Variants in KIF4A observed in about 807,000 individuals in gnomAD.
KIF4A encodes the protein chromosome-associated kinesin KIF4A.
KIF4A carries 7 observed loss-of-function variants against 105.9 expected under a neutral mutation model. The ratio of observed to expected loss-of-function variants is 0.07; its 90% CI spans 0.04 to 0.12. The LOEUF is 0.12. Ranked by LOEUF, KIF4A falls within the 10% of genes least tolerant of loss-of-function variation. The pLI, the probability that KIF4A is intolerant of heterozygous loss-of-function variation, is 1.00. For synonymous variants in KIF4A, 281 were observed against 331.3 expected, an observed-to-expected ratio of 0.85 and a Z score of 1.65; for missense variants, 558 against 929.2, an observed-to-expected ratio of 0.60 and a Z score of 5.19.
At chrX:70,319,271 GAA>G (rs1486749575) in intron 7 of KIF4A, among the ~76,000 whole-genome samples, 3 of 111,102 alleles carry the variant, frequency 2.7e-5, no homozygotes, top group Non-Finnish European at 5.7e-5. Context: ...TCAAAAAAAA[GAA>G]AGAAAGAAAG....
intron 22 of KIF4A, among the ~76,000 whole-genome samples, chrX:70,398,361 G>A (rs1015684710): frequency 5.3e-5 from 6 of 112,302 alleles, no homozygotes; most frequent in African/African-American, 1.3e-4. Flanking sequence ...TTAAGTGCTG[G>A]TTATTAAAAA....
chrX:70,334,684 A>T (rs1033031750), intron 10 of KIF4A, among the ~76,000 whole-genome samples: 13 of 111,776 alleles, frequency 1.2e-4, no homozygotes, highest in African/African-American at 4.2e-4. Flanking sequence ...ATTCCCTTTT[A>T]GGCACTCTCC....
chrX:70,380,828 G>A (rs921801163), intron 18 of KIF4A, among the ~76,000 whole-genome samples: 4 of 112,326 alleles, frequency 3.6e-5, no homozygotes, highest in Non-Finnish European at 7.5e-5. Context: ...AGTTCACCAA[G>A]GTTGCAGAAT....
At chrX:70,409,794 C>CAAAAAAAAAAAAAAAAA (rs780576920) in intron 28 of KIF4A, among the ~76,000 whole-genome samples, 1 of 42,217 alleles carries the variant, frequency 2.4e-5, no homozygotes, top group Non-Finnish European at 4.4e-5. Context: ...AAGACTGTCT[C>CAAAAAAAAAAAAAAAAA]AAAAAAAAAA....
chrX:70,408,828 G>A (rs1240467405), intron 28 of KIF4A, among the ~76,000 whole-genome samples: 1 of 112,272 alleles, frequency 8.9e-6, no homozygotes, highest in Non-Finnish European at 1.9e-5. Context: ...CAGCATATTC[G>A]TCTCAGGGAG....
At chrX:70,405,230 C>T (rs925262700) in intron 25 of KIF4A, among the ~76,000 whole-genome samples, 11 of 111,592 alleles carry the variant, frequency 9.9e-5, no homozygotes, top group African/African-American at 3.6e-4. Context: ...GAATTTCTTC[C>T]AGAGGCTAGG....
intron 7 of KIF4A, among the ~76,000 whole-genome samples, chrX:70,310,620 G>A (rs763654861): frequency 2.2e-4 from 24 of 111,182 alleles, no homozygotes; most frequent in African/African-American, 3.3e-4. Context: ...GAGGGCAAGC[G>A]TATGTTTAAC....
chrX:70,321,690 C>G (rs762018372), intron 7 of KIF4A, among the ~76,000 whole-genome samples: 39 of 111,555 alleles, frequency 3.5e-4, no homozygotes, highest in Non-Finnish European at 6.6e-4. Context: ...TAATATTTCC[C>G]CAACTTAAAA....
chrX:70,381,157 A>G (rs2147726255), intron 18 of KIF4A, among the ~76,000 whole-genome samples: 1 of 111,736 alleles, frequency 8.9e-6, no homozygotes, highest in African/African-American at 3.3e-5. Context: ...TCAAAAACAA[A>G]CAAACAAAAA....
At chrX:70,323,483 A>G (rs1183528698) in intron 7 of KIF4A, among the ~76,000 whole-genome samples, 1 of 111,017 alleles carries the variant, frequency 9.0e-6, no homozygotes, top group Non-Finnish European at 1.9e-5. Context: ...AACTCCTACT[A>G]ATATTTCAAT....
At chrX:70,321,883 T>C (rs1206615047) in intron 7 of KIF4A, among the ~76,000 whole-genome samples, 1 of 110,961 alleles carries the variant, frequency 9.0e-6, no homozygotes, top group Non-Finnish European at 1.9e-5. Flanking sequence ...ATTCTGCAGG[T>C]CTGACATCCT....
At chrX:70,407,839 G>C (rs140832371) in intron 28 of KIF4A, among the ~76,000 whole-genome samples, 1,934 of 112,114 alleles carry the variant, frequency 0.017, 24 homozygotes, top group Non-Finnish European at 0.027. Context: ...AGGCCAAGGC[G>C]GGCAGATCAC....
At chrX:70,312,679 A>C (rs931436252) in intron 7 of KIF4A, among the ~76,000 whole-genome samples, 1 of 111,608 alleles carries the variant, frequency 9.0e-6, no homozygotes, top group African/African-American at 3.3e-5. Context: ...TTTTTCTTTT[A>C]TTTGCACATA....
intron 9 of KIF4A, among the ~76,000 whole-genome samples, chrX:70,332,340 G>A (rs762970371): frequency 4.5e-5 from 5 of 111,625 alleles, no homozygotes; most frequent in African/African-American, 6.5e-5. Flanking sequence ...GCAGGAAAAT[G>A]TGTCTTGTAA....
chrX:70,375,477 A>G, intron 17 of KIF4A, 129 bp downstream of exon 17: 1 of 640,210 alleles, frequency 1.6e-6, no homozygotes, highest in Non-Finnish European at 2.4e-6. Flanking sequence ...AAGTGTGTGA[A>G]TCTCCACAAA....
At chrX:70,340,370 A>G (rs1258735236) in intron 10 of KIF4A, among the ~76,000 whole-genome samples, 6 of 112,172 alleles carry the variant, frequency 5.3e-5, no homozygotes, top group Admixed American at 9.4e-5. Flanking sequence ...ACCTACTTCT[A>G]TGTGCTAAAT....
intron 4 of KIF4A, among the ~76,000 whole-genome samples, 193 bp downstream of exon 4, chrX:70,297,381 A>T (rs1051588237): frequency 8.9e-6 from 1 of 111,901 alleles, no homozygotes; most frequent in Non-Finnish European, 1.9e-5. Flanking sequence ...AGTCTGTTTA[A>T]TTTGATTGTT....
At chrX:70,401,794 AG>A (rs2086283591) in intron 22 of KIF4A, among the ~76,000 whole-genome samples, 2 of 112,006 alleles carry the variant, frequency 1.8e-5, no homozygotes, top group South Asian at 7.4e-4. Context: ...ATAATTTTTA[AG>A]GGTGTAAAGG....
chrX:70,391,623 C>G (rs1171929764), intron 20 of KIF4A, among the ~76,000 whole-genome samples: 1 of 108,860 alleles, frequency 9.2e-6, no homozygotes, highest in Non-Finnish European at 1.9e-5. Context: ...TTCTTTCCGA[C>G]TTTTACTAGG....
Sources: allele counts gnomAD v4.1 joint callset (sites outside exome capture counted in the v4.1 genomes callset), GRCh38; gene constraint gnomAD v4.1.1; transcripts MANE v1.5; gene names NCBI Gene and HGNC (gene_info 2026-07-23, HGNC 2026-07-21).